Variants in JMJD1C observed in about 807,000 individuals in gnomAD.
JMJD1C encodes jumonji domain containing 1C.
A neutral mutation model predicts 245.3 loss-of-function variants in JMJD1C; 31 were observed. The ratio of observed to expected loss-of-function variants is 0.13; its 90% CI spans 0.09 to 0.17. The LOEUF (loss-of-function observed/expected upper bound fraction) is 0.17. Ranked by LOEUF, JMJD1C falls within the 10% of genes least tolerant of loss-of-function variation. The pLI is 1.00. For synonymous variants in JMJD1C, 1,057 were observed against 1,017.4 expected (o/e 1.04, Z -0.74); for missense variants, 2,691 against 3,000.2 (o/e 0.90, Z 2.41).
intron 2 of JMJD1C, among the ~76,000 whole-genome samples, chr10:63,267,555 T>C (rs1184220003): frequency 6.6e-6 from 1 of 152,172 alleles, no homozygotes; most frequent in Non-Finnish European, 1.5e-5. Context: ...TATATCATTC[T>C]ATGAGTAACT....
Position 63,465,739 on chromosome 10 carries a change from AT to A in JMJD1C, c.-78del. ...GAAACCTCACTCCTACCGGCCGCTC[AT>A]GCTGAGGAGAGCGGACCGGGACACA... On this transcript the variant is annotated 5_prime_UTR_variant, in exon 1 of 26. The change abolishes an upstream ATG in the 5' untranslated region. Coordinates refer to ENST00000399262, the MANE Select transcript of JMJD1C (RefSeq NM_032776.3). 2.0e-6 allele frequency: 3 copies of A among 1,535,574 alleles called. No individual in the cohort carries two copies. Among genetic ancestry groups the A allele is most frequent in the Non-Finnish European group, 2.7e-6 (3 of 1,126,156 alleles).
intron 18 of JMJD1C, among the ~76,000 whole-genome samples, chr10:63,187,191 G>A (rs555614512): frequency 6.6e-6 from 1 of 151,910 alleles, no homozygotes; most frequent in Non-Finnish European, 1.5e-5. Flanking sequence ...CTACATGGTT[G>A]AATGTTCCAT....
intron 2 of JMJD1C, among the ~76,000 whole-genome samples, chr10:63,355,315 T>A (rs1004658477): frequency 6.6e-6 from 1 of 152,176 alleles, no homozygotes; most frequent in African/African-American, 2.4e-5. Context: ...ACCAAGAAAC[T>A]GACATTAAGT....
chr10:63,379,222 G>T (rs531470782), intron 2 of JMJD1C, among the ~76,000 whole-genome samples: 1 of 152,168 alleles, frequency 6.6e-6, no homozygotes, highest in South Asian at 2.1e-4. Flanking sequence ...TTAAAAAATT[G>T]AAAGGAACTA....
intron 23 of JMJD1C, 62 bp downstream of exon 23, chr10:63,177,636 TGAATGCCAAGTGAAGGTAC>T: frequency 1.4e-6 from 2 of 1,445,494 alleles, no homozygotes; most frequent in Non-Finnish European, 1.9e-6. Flanking sequence ...CTTATATTGT[TGAATGCCAAGTGAAGGTAC>T]GGCAACAATG....
At chr10:63,436,652 G>A (rs1450523890) in intron 1 of JMJD1C, among the ~76,000 whole-genome samples, 1 of 152,136 alleles carries the variant, frequency 6.6e-6, no homozygotes, top group African/African-American at 2.4e-5. Flanking sequence ...AGTGATGACT[G>A]TTTTAATTGT....
intron 14 of JMJD1C, among the ~76,000 whole-genome samples, chr10:63,193,911 C>T (rs189612143): frequency 5.8e-4 from 89 of 152,336 alleles, no homozygotes; most frequent in African/African-American, 1.7e-3. Context: ...CGTGATCCGC[C>T]GGCCTTGGCC....
At chr10:63,456,880 T>C (rs2133060612) in intron 1 of JMJD1C, among the ~76,000 whole-genome samples, 1 of 152,288 alleles carries the variant, frequency 6.6e-6, no homozygotes, top group South Asian at 2.1e-4. Context: ...GATGAACAGA[T>C]ACCTTCACCA....
chr10:63,235,288 G>A lies in JMJD1C; in HGVS notation c.448-15305C>T, dbSNP rs143003177. ...AGGCAGGTGGATCGCCTGAGGTCAC[G>A]AGTTCGAGACCAGCCTGGCCAACAC... is the stretch of plus-strand genomic sequence containing the variant. On this transcript the variant is annotated intron_variant, in intron 3 of 25. Transcript: ENST00000399262. 7.2e-3 allele frequency among the ~76,000 whole-genome samples: 1,094 copies of A among 152,236 alleles called. 18 individuals carry two copies. The highest frequency in any genetic ancestry group is 0.025 in the African/African-American group (1,034 of 41,530).
chr10:63,206,579 A>G lies in JMJD1C; in HGVS notation c.5074+16T>C. 8.4e-6 allele frequency: 13 copies of G among 1,551,598 alleles called. No homozygotes were observed. The highest frequency in any genetic ancestry group is 1.1e-5 in the Non-Finnish European group (13 of 1,153,614). ...CAGCCCATTTTACCTGAGATAAAACAAAGTAACTGACTTACTATTACTGTT... is the reference window on the plus strand; with the variant it reads ...CAGCCCATTTTACCTGAGATAAAACGAAGTAACTGACTTACTATTACTGTT... On this transcript the variant is annotated intron_variant, in intron 10 of 25. Transcript: ENST00000399262.
In JMJD1C at chr10:63,191,080, T is replaced by A. The variant is rs185481119; in HGVS notation, c.6105A>T (p.Gln2035His). 7.4e-6 allele frequency: 12 copies of A among 1,613,936 alleles called. No individual in the cohort carries two copies. In the East Asian group the frequency reaches 2.7e-4, roughly 36 times the overall value. Residue 2035 changes from glutamine to histidine, a missense_variant, in exon 17 of 26, where the codon CAA (glutamine) becomes CAT (histidine). Coordinates refer to ENST00000399262, the MANE Select transcript of JMJD1C (RefSeq NM_032776.3). ...KENKELTLEN[Q>H]IKEEREQDNS... is the part of the protein sequence containing the mutation. ...TGTCTTGTTCTCTTTCTTCTTTAATTTGGTTTTCAAGGGTAAGTTCTTTGT... is the reference window on the plus strand; with the variant it reads ...TGTCTTGTTCTCTTTCTTCTTTAATATGGTTTTCAAGGGTAAGTTCTTTGT...
upstream of JMJD1C, among the ~76,000 whole-genome samples, chr10:63,467,081 T>G (rs1479419653): frequency 2.6e-5 from 4 of 152,212 alleles, no homozygotes; most frequent in Non-Finnish European, 4.4e-5. Flanking sequence ...TTTTATCTGT[T>G]TTCTCTAGAA....
intron 2 of JMJD1C, among the ~76,000 whole-genome samples, chr10:63,311,816 A>T (rs907648880): frequency 1.3e-5 from 2 of 152,176 alleles, no homozygotes; most frequent in Non-Finnish European, 2.9e-5. Context: ...GAAGTACAAG[A>T]ACACTTTTAT....
At chr10:63,486,710 T>C (rs1353288137) in intron 1 of JMJD1C, among the ~76,000 whole-genome samples, 3 of 152,148 alleles carry the variant, frequency 2.0e-5, no homozygotes, top group African/African-American at 7.2e-5. Flanking sequence ...ACTGCATGAC[T>C]TTCTCCAAAT....
intron 2 of JMJD1C, among the ~76,000 whole-genome samples, chr10:63,343,662 A>C (rs1298275918): frequency 6.6e-6 from 1 of 152,190 alleles, no homozygotes; most frequent in Non-Finnish European, 1.5e-5. Flanking sequence ...AGTGCCATAA[A>C]ATTACAATGG....
chr10:63,276,779 A>T (rs1049756166), intron 2 of JMJD1C, among the ~76,000 whole-genome samples: 1 of 151,950 alleles, frequency 6.6e-6, no homozygotes, highest in Non-Finnish European at 1.5e-5. Context: ...AATTTTAATT[A>T]CGTATGTAAT....
chr10:63,264,393 G>A (rs1165927634), intron 3 of JMJD1C, among the ~76,000 whole-genome samples: 1 of 152,078 alleles, frequency 6.6e-6, no homozygotes, highest in East Asian at 1.9e-4. Context: ...TAGAATGTCA[G>A]ATACTTTATT....
At chr10:63,319,299 C>T (rs1181268811) in intron 2 of JMJD1C, among the ~76,000 whole-genome samples, 7 of 143,410 alleles carry the variant, frequency 4.9e-5, no homozygotes, top group African/African-American at 7.5e-5. Flanking sequence ...TTTCTGCTTA[C>T]ATTCAAGAGT....
rs1845898381 is a variant in JMJD1C, at chr10:63,200,528, C to T, written c.5224G>A (p.Gly1742Arg). 1.2e-6 allele frequency: 2 copies of T among 1,613,816 alleles called. No individual in the cohort carries two copies. The highest frequency in any genetic ancestry group is 2.7e-5 in the African/African-American group (2 of 74,984). Residue 1742 changes from glycine to arginine, a missense_variant, in exon 11 of 26, where the codon GGA becomes AGA. This residue lies in a region of JMJD1C where 139 missense variants were observed against 270.5 expected (regional missense o/e 0.51). Transcript: ENST00000399262. ...RECRLIRSKK[G>R]EEPAHSPVFC... ...ACTGGTGAGTGAGCTGGTTCTTCTC[C>T]TTTTTTACTGCGAATAAGTCTACAT... is the stretch of plus-strand genomic sequence containing the variant.
Sources: allele counts gnomAD v4.1 joint callset (sites outside exome capture counted in the v4.1 genomes callset), GRCh38; gene constraint gnomAD v4.1.1; regional missense constraint gnomAD v4.1.1; transcripts MANE v1.5; gene names NCBI Gene and HGNC (gene_info 2026-07-23, HGNC 2026-07-21).